The following PCDHGA8 variants were observed in gnomAD, a reference collection of about 807,000 sequenced individuals.
PCDHGA8 encodes the protein protocadherin gamma subfamily A, 8, also known as protocadherin gamma-A8.
PCDHGA8 carries 45 observed loss-of-function variants against 59.2 expected under a neutral mutation model. That is an observed-to-expected ratio of 0.76 (90% CI 0.60 to 0.98). PCDHGA8 has a LOEUF of 0.98. Ranked by LOEUF, PCDHGA8 falls within the 50% of genes least tolerant of loss-of-function variation. PCDHGA8 has a pLI of 0.00. For synonymous variants in PCDHGA8, 531 were observed against 519.0 expected, an observed-to-expected ratio of 1.02 and a Z score of -0.32; for missense variants, 1,257 against 1,196.2, an observed-to-expected ratio of 1.05 and a Z score of -0.75.
chr5:141,463,480 G>A (rs964539275), intron 1 of PCDHGA8, among the ~76,000 whole-genome samples: 3 of 114,320 alleles, frequency 2.6e-5, no homozygotes, highest in African/African-American at 1.1e-4. Context: ...ATGGAGTCTC[G>A]CTCTGTCACC....
intron 1 of PCDHGA8, chr5:141,415,542 T>C (rs770960227): frequency 1.2e-5 from 19 of 1,614,056 alleles, no homozygotes; most frequent in Non-Finnish European, 9.3e-6. Context: ...AGGAGAGCTG[T>C]GAGAAAAACG....
intron 2 of PCDHGA8, among the ~76,000 whole-genome samples, chr5:141,500,900 C>T (rs1309164700): frequency 4.0e-5 from 6 of 150,642 alleles, no homozygotes; most frequent in South Asian, 2.1e-4. Flanking sequence ...GAGACAGTCT[C>T]GCTCTGTCTC....
intron 1 of PCDHGA8, chr5:141,404,202 AAT>A: frequency 6.2e-7 from 1 of 1,613,738 alleles, no homozygotes; most frequent in Non-Finnish European, 8.5e-7. Context: ...AAAGCCTCAG[AAT>A]ATAATATCAC....
chr5:141,421,194 C>G, intron 1 of PCDHGA8: 1 of 1,498,922 alleles, frequency 6.7e-7, no homozygotes, highest in South Asian at 1.3e-5. Context: ...CCAACCAGCT[C>G]GAGAAACCGC....
intron 1 of PCDHGA8, among the ~76,000 whole-genome samples, chr5:141,444,977 T>A (rs2098452876): frequency 1.3e-5 from 2 of 152,200 alleles, no homozygotes; most frequent in South Asian, 4.1e-4. Flanking sequence ...TTCAAATCCA[T>A]GAACATGGTA....
chr5:141,414,572 C>T, intron 1 of PCDHGA8: 1 of 1,613,960 alleles, frequency 6.2e-7, no homozygotes, highest in Non-Finnish European at 8.5e-7. Context: ...ACCTATATCC[C>T]AGAGAACAAC....
intron 1 of PCDHGA8, chr5:141,423,450 T>G (rs571358720): frequency 1.2e-6 from 2 of 1,614,050 alleles, no homozygotes; most frequent in East Asian, 4.5e-5. Flanking sequence ...CGTCACATTT[T>G]GTAGGCGTGG....
chr5:141,478,590 A>T, intron 1 of PCDHGA8: 1 of 1,573,342 alleles, frequency 6.4e-7, no homozygotes, highest in South Asian at 1.1e-5. Flanking sequence ...GTGCTTTTTT[A>T]TTCCTACATC....
At position 141,510,839 on chromosome 5, in the gene PCDHGA8, C is replaced by G. The variant is rs186647886; in HGVS notation, c.2573-108C>G. The stretch of plus-strand genomic sequence containing the variant: ...CTATATTCCCAGTGCTCAGCGTGGT[C>G]AAGGCCCAGGGTGCTGTATAGGCAT... On this transcript the variant is annotated intron_variant, in intron 3 of 3. Coordinates refer to ENST00000398604, the MANE Select transcript of PCDHGA8 (RefSeq NM_032088.2). The G allele has an allele frequency of 6.5e-5, 103 of 1,587,108 alleles. No individual in the cohort carries two copies. The East Asian group carries it at 1.6e-3, about 25-fold the overall frequency.
intron 1 of PCDHGA8, among the ~76,000 whole-genome samples, chr5:141,450,363 T>C (rs2098678373): frequency 6.6e-6 from 1 of 152,162 alleles, no homozygotes; most frequent in Admixed American, 6.5e-5. Flanking sequence ...TTCCTCAGCC[T>C]TGTTTGTTTA....
Position 141,489,169 on chromosome 5 carries a change from C to T in PCDHGA8, c.2425-5638C>T. On this transcript the variant is annotated intron_variant, in intron 1 of 3. Coordinates refer to ENST00000398604, the MANE Select transcript of PCDHGA8 (RefSeq NM_032088.2). This position sits in a 1 kb window ranked among gnomAD's most constrained non-coding sequence, Gnocchi z 4.5. ...GAGACATAAGAGACTTCAGCTGCTG[C>T]ATTCCAAGCCCTGGGTCTACCTTGG... 3 of 1,124,648 alleles carry T rather than the reference C, an allele frequency of 2.7e-6. No individual in the cohort carries two copies. The highest frequency in any genetic ancestry group is 3.8e-6 in the Non-Finnish European group (3 of 783,910). The allele number at this position is 1,124,648 out of a possible 1,614,324, so 69.7% of individuals were successfully genotyped here. A position where few individuals can be genotyped will look rare whatever the true frequency, so the allele number is the denominator to read the frequency against.
intron 1 of PCDHGA8, chr5:141,421,138 G>T (rs2096548427): frequency 1.1e-6 from 1 of 899,466 alleles, no homozygotes. Context: ...ATATATTTTG[G>T]ATGTAGTCGG....
At chr5:141,429,039 A>G (rs565483195) in intron 1 of PCDHGA8, 1 of 152,202 alleles carries the variant, frequency 6.6e-6, no homozygotes, top group East Asian at 1.9e-4. Flanking sequence ...CATTTTTAGT[A>G]CAGACGGGGT....
chr5:141,415,740 GTTTTTTTTTTT>G lies in PCDHGA8; in HGVS notation c.2424+20525_2424+20535del, dbSNP rs57426385. On this transcript the variant is annotated intron_variant, in intron 1 of 3. Transcript: ENST00000398604. ...TGAGTAGAATTTGATGTTTATTAAGGTTTTTTTTTTTTTTTTTTTTTTTTTTTTTTTTACTT... is the reference window on the plus strand; with the variant it reads ...TGAGTAGAATTTGATGTTTATTAAGGTTTTTTTTTTTTTTTTTTTTTACTT... 695 of 624,702 alleles carry G rather than the reference GTTTTTTTTTTT, an allele frequency of 1.1e-3. 1 individual carries two copies. Among genetic ancestry groups the G allele is most frequent in the East Asian group, 1.8e-3 (27 of 14,732 alleles). 38.7% of individuals were successfully genotyped at this position (624,702 alleles called of 1,614,324 possible).
At chr5:141,415,508 A>G in intron 1 of PCDHGA8, 2 of 1,614,168 alleles carry the variant, frequency 1.2e-6, no homozygotes, top group Non-Finnish European at 1.7e-6. Flanking sequence ...CCCCAGCCCA[A>G]TTATGCGGAC....
chr5:141,405,215 C>T, intron 1 of PCDHGA8: 1 of 1,614,078 alleles, frequency 6.2e-7, no homozygotes, highest in Non-Finnish European at 8.5e-7. Flanking sequence ...GACCTATTCT[C>T]AGGAGTTCTC....
intron 1 of PCDHGA8, among the ~76,000 whole-genome samples, chr5:141,444,476 C>A (rs1228271706): frequency 6.6e-6 from 1 of 152,088 alleles, no homozygotes; most frequent in Non-Finnish European, 1.5e-5. Flanking sequence ...CGGTCGCGTA[C>A]TGGATTTATA....
In PCDHGA8 at chr5:141,491,893, G is replaced by C. The variant is rs2099734820; in HGVS notation, c.2425-2914G>C. The C allele has an allele frequency of 6.9e-7, 1 of 1,438,856 alleles. No individual in the cohort carries two copies. The highest frequency in any genetic ancestry group is 9.2e-7 in the Non-Finnish European group (1 of 1,088,104). 89.1% of individuals were successfully genotyped at this position (1,438,856 alleles called of 1,614,324 possible). A position where few individuals can be genotyped will look rare whatever the true frequency, so the allele number is the denominator to read the frequency against. ...GGCCGATTAAGGGATGGGGCTCCGA[G>C]CACCGGGGGTGGTGGCGACTGTGGG... On this transcript the variant is annotated intron_variant, in intron 1 of 3. Coordinates refer to ENST00000398604, the MANE Select transcript of PCDHGA8 (RefSeq NM_032088.2). The surrounding 1 kb of genome is among the most constrained non-coding windows in gnomAD (Gnocchi z 6.9).
In PCDHGA8 at chr5:141,395,138, C is replaced by T. The variant is rs147992300; in HGVS notation, c.2325C>T (p.Tyr775=). 1,238 of 1,614,204 alleles carry T rather than the reference C, an allele frequency of 7.7e-4. 19 individuals are homozygous for T. In the East Asian group the frequency reaches 0.018, roughly 24 times the overall value. Residue 775 remains tyrosine, a synonymous_variant, in exon 1 of 4, where the codon TAC becomes TAT. Transcript: ENST00000398604. ...ACCTGATCTTTCCCCAGCCCAACTA[C>T]GCAGACATGCTCATCAGTCAGGAGG... ...KSHLIFPQPN[Y]ADMLISQEGC...
Sources: allele counts gnomAD v4.1 joint callset (sites outside exome capture counted in the v4.1 genomes callset), GRCh38; gene constraint gnomAD v4.1.1; non-coding constraint Gnocchi (gnomAD v3.1); transcripts MANE v1.5; gene names NCBI Gene and HGNC (gene_info 2026-07-23, HGNC 2026-07-21).